Variants in PCDHA3 observed in about 807,000 individuals in gnomAD.
The protein encoded by PCDHA3 is protocadherin alpha 3.
PCDHA3 carries 41 observed loss-of-function variants against 62.2 expected under a neutral mutation model. That is an observed-to-expected ratio of 0.66 (90% CI 0.51 to 0.86). PCDHA3 has a LOEUF of 0.86. Ranked by LOEUF, PCDHA3 falls within the 40% of genes least tolerant of loss-of-function variation. The pLI, the probability that PCDHA3 is intolerant of heterozygous loss-of-function variation, is 0.00. For synonymous variants in PCDHA3, 640 were observed against 555.4 expected (o/e 1.15, Z -2.14); for missense variants, 1,304 against 1,241.2 (o/e 1.05, Z -0.76).
chr5:140,998,524 T>A (rs553357630), intron 3 of PCDHA3, among the ~76,000 whole-genome samples: 1 of 152,328 alleles, frequency 6.6e-6, no homozygotes, highest in East Asian at 1.9e-4. Flanking sequence ...TTATTCATAT[T>A]TATATCCCTA....
In PCDHA3 at chr5:140,842,845, T is replaced by G. The variant is rs2150346151; in HGVS notation, c.2394+39254T>G. The G allele has an allele frequency of 0.012, 19,312 of 1,593,596 alleles. 3,039 individuals are homozygous for G. In the African/African-American group the frequency reaches 0.23, roughly 19 times the overall value. On this transcript the variant is annotated intron_variant, in intron 1 of 3. Transcript: ENST00000522353. Reference sequence around the variant, plus strand: ...GCGAGCGCTCGCTGTCGAGCTACATTTCGGTGCACACGGAGAGCGGCAAGG... The same window carrying G: ...GCGAGCGCTCGCTGTCGAGCTACATGTCGGTGCACACGGAGAGCGGCAAGG...
At chr5:140,862,753 A>C (rs2047525211) in intron 1 of PCDHA3, 1 of 577,638 alleles carries the variant, frequency 1.7e-6, no homozygotes, top group Non-Finnish European at 3.3e-6. Context: ...GCACGCGGAG[A>C]GCGGCAAGAG....
At chr5:140,941,262 T>TTTCTCTTTCC in intron 1 of PCDHA3, among the ~76,000 whole-genome samples, 1 of 138,798 alleles carries the variant, frequency 7.2e-6, no homozygotes, top group Non-Finnish European at 1.6e-5. Context: ...TTTCTCTTTC[T>TTTCTCTTTCC]TTCTTTCTTT....
chr5:140,863,019 T>A (rs781817571), intron 1 of PCDHA3: 6 of 554,136 alleles, frequency 1.1e-5, no homozygotes, highest in Admixed American at 5.7e-5. Context: ...GACGCCTGGT[T>A]GTCGCAACAG....
At chr5:141,009,462 A>G (rs1279658091) in intron 3 of PCDHA3, 165 bp from the exon 4 acceptor site, 2 of 954,512 alleles carry the variant, frequency 2.1e-6, no homozygotes, top group Non-Finnish European at 2.5e-6. Flanking sequence ...TAAACAAATA[A>G]ATAAATAAGT....
At chr5:140,863,524 T>A in intron 1 of PCDHA3, 1 of 397,376 alleles carries the variant, frequency 2.5e-6, no homozygotes, top group Non-Finnish European at 4.9e-6. Context: ...CTCCCATGGT[T>A]CAGATTTTGG....
intron 1 of PCDHA3, chr5:140,882,524 G>C (rs1340644606): frequency 9.9e-6 from 16 of 1,614,090 alleles, no homozygotes; most frequent in African/African-American, 2.7e-5. Context: ...CATTTTGTTT[G>C]TGAATTCTCG....
At chr5:140,886,123 G>A (rs868933605) in intron 1 of PCDHA3, among the ~76,000 whole-genome samples, 53 of 152,236 alleles carry the variant, frequency 3.5e-4, no homozygotes, top group African/African-American at 1.2e-3. Flanking sequence ...ACATAGTTCC[G>A]TAACAACCAG....
intron 3 of PCDHA3, among the ~76,000 whole-genome samples, chr5:141,003,942 G>C (rs1054043476): frequency 2.0e-5 from 3 of 152,148 alleles, no homozygotes; most frequent in Non-Finnish European, 2.9e-5. Flanking sequence ...TTGCCTGAGG[G>C]TGAGCTAGGA....
At chr5:140,995,416 T>G (rs2097682772) in intron 3 of PCDHA3, among the ~76,000 whole-genome samples, 1 of 152,228 alleles carries the variant, frequency 6.6e-6, no homozygotes, top group African/African-American at 2.4e-5. Context: ...TTCATCACAT[T>G]ACTCAGAACA....
At chr5:140,984,398 A>T (rs1377930175) in intron 3 of PCDHA3, among the ~76,000 whole-genome samples, 1 of 152,142 alleles carries the variant, frequency 6.6e-6, no homozygotes, top group Non-Finnish European at 1.5e-5. Flanking sequence ...AAATGTTGAG[A>T]ACCTATCTTT....
At chr5:140,883,538 G>A (rs782240531) in intron 1 of PCDHA3, 1 of 1,614,230 alleles carries the variant, frequency 6.2e-7, no homozygotes, top group Admixed American at 1.7e-5. Flanking sequence ...CTATGAACTG[G>A]TGGTGACCGC....
rs2150153911 is a variant in PCDHA3 at position 140,828,315 on chromosome 5, T to C, written c.2394+24724T>C. 6.0e-5 allele frequency: 97 copies of C among 1,614,054 alleles called. No homozygotes were observed. The highest frequency in any genetic ancestry group is 6.7e-5 in the Admixed American group (4 of 60,014). ...GCCTCCAAAGACCGCGAGGACCTTC[T>C]GGAGGTAAATCTGCAGAATGGCATT... On this transcript the variant is annotated intron_variant, in intron 1 of 3. Coordinates refer to ENST00000522353, the MANE Select transcript of PCDHA3 (RefSeq NM_018906.3).
intron 1 of PCDHA3, among the ~76,000 whole-genome samples, chr5:140,897,014 A>G (rs545411496): frequency 1.3e-3 from 202 of 152,284 alleles, no homozygotes; most frequent in Non-Finnish European, 2.0e-3. Context: ...TAAATATACA[A>G]CTAAATTATT....
intron 1 of PCDHA3, among the ~76,000 whole-genome samples, chr5:140,941,810 A>T (rs188836583): frequency 6.6e-5 from 10 of 152,356 alleles, no homozygotes; most frequent in Admixed American, 4.6e-4. Flanking sequence ...TGATTTCAGT[A>T]GGATGACTGC....
chr5:140,885,920 C>T (rs1554182299), intron 1 of PCDHA3, among the ~76,000 whole-genome samples: 1 of 151,998 alleles, frequency 6.6e-6, no homozygotes, highest in East Asian at 1.9e-4. Context: ...TAGATATTAA[C>T]TGTTTATCTA....
chr5:140,986,195 A>C (rs1200850544), intron 3 of PCDHA3, among the ~76,000 whole-genome samples: 1 of 152,196 alleles, frequency 6.6e-6, no homozygotes, highest in African/African-American at 2.4e-5. Context: ...TAAATTGGTT[A>C]ATCCTGATTA....
chr5:140,828,648 G>A, intron 1 of PCDHA3: 1 of 1,614,192 alleles, frequency 6.2e-7, no homozygotes, highest in Non-Finnish European at 8.5e-7. Context: ...AAAATAAACA[G>A]TGATGACAAT....
chr5:140,852,585 T>TTA (rs1554145908), intron 1 of PCDHA3: 28 of 874,450 alleles, frequency 3.2e-5, no homozygotes, highest in Admixed American at 6.4e-5. Flanking sequence ...CTTTTTTATT[T>TTA]TTTTTTTTTG....
Sources: gnomAD v4.1 joint callset for allele counts (sites outside exome capture counted in the v4.1 genomes callset) on GRCh38, gnomAD v4.1.1 for gene constraint, MANE v1.5 for transcripts, NCBI Gene and HGNC (gene_info 2026-07-23, HGNC 2026-07-21) for gene names.